The following FHIP1A variants were observed in gnomAD, a reference collection of about 807,000 sequenced individuals.
FHIP1A encodes FHF complex subunit HOOK interacting protein 1A.
In FHIP1A, 61 loss-of-function variants were observed where a neutral mutation model predicts 88.6. The observed-to-expected ratio is 0.69, with a 90% CI of 0.56 to 0.85. FHIP1A has a LOEUF of 0.85. Among genes scored for constraint, FHIP1A ranks in the 40% least tolerant of loss-of-function variants. The probability of loss-of-function intolerance (pLI) is 0.00; values close to 1 mark genes in which losing one functional copy is unlikely to be tolerated. For synonymous variants in FHIP1A, 478 were observed against 496.0 expected (o/e 0.96, Z 0.48); for missense variants, 1,154 against 1,273.5 (o/e 0.91, Z 1.43).
chr4:151,532,857 C>T (rs1731928064), intron 3 of FHIP1A, among the ~76,000 whole-genome samples: 3 of 152,218 alleles, frequency 2.0e-5, no homozygotes, highest in South Asian at 2.1e-4. Context: ...AAGCGGAAAC[C>T]CCTGATAAAC....
chr4:151,504,011 T>A (rs1026753401), intron 3 of FHIP1A, among the ~76,000 whole-genome samples: 12 of 152,246 alleles, frequency 7.9e-5, no homozygotes, highest in African/African-American at 2.7e-4. Flanking sequence ...CTCCAACTTG[T>A]TATATGGTCA....
intron 3 of FHIP1A, among the ~76,000 whole-genome samples, chr4:151,515,887 T>C (rs1410933572): frequency 1.3e-5 from 2 of 152,278 alleles, no homozygotes; most frequent in African/African-American, 4.8e-5. Flanking sequence ...AGGTAATTTA[T>C]AGATTCAGTG....
intron 1 of FHIP1A, among the ~76,000 whole-genome samples, chr4:151,433,884 A>G (rs1355829458): frequency 1.3e-5 from 2 of 152,158 alleles, no homozygotes; most frequent in African/African-American, 2.4e-5. Context: ...TTCAGATTTA[A>G]TTAGGGACAG....
chr4:151,533,464 C>T (rs1396082370), intron 3 of FHIP1A, among the ~76,000 whole-genome samples: 2 of 152,100 alleles, frequency 1.3e-5, no homozygotes, highest in East Asian at 3.9e-4. Context: ...TTTCCTTTGG[C>T]TCATTGTAAC....
intron 3 of FHIP1A, among the ~76,000 whole-genome samples, chr4:151,503,587 G>A (rs775613006): frequency 6.6e-6 from 1 of 151,722 alleles, no homozygotes; most frequent in African/African-American, 2.4e-5. Context: ...GGGAACAGGG[G>A]GAAAGGAGGA....
At chr4:151,530,581 T>G (rs1236684671) in intron 3 of FHIP1A, among the ~76,000 whole-genome samples, 1 of 152,212 alleles carries the variant, frequency 6.6e-6, no homozygotes, top group Non-Finnish European at 1.5e-5. Context: ...TCTCTAGTGG[T>G]TCAACATTCA....
Position 151,629,705 on chromosome 4 carries a change from A to T in FHIP1A, c.982A>T (p.Thr328Ser). 2 of 1,550,842 alleles carry T rather than the reference A, an allele frequency of 1.3e-6. No individual in the cohort carries two copies. The highest frequency in any genetic ancestry group is 1.7e-4 in the Middle Eastern group (1 of 5,986). ...PVLAPALHKV[T>S]VEEVMTTTAY... is the part of the protein sequence containing the mutation. Reference sequence around the variant, plus strand: ...CTCACTCCGTTGTTTGTCCTAGGTGACTGTGGAAGAGGTCATGACCACAAC... The same window carrying T: ...CTCACTCCGTTGTTTGTCCTAGGTGTCTGTGGAAGAGGTCATGACCACAAC... Residue 328 changes from threonine to serine, a missense_variant, in exon 8 of 14, where the codon ACT becomes TCT. Coordinates refer to ENST00000435205, the MANE Select transcript of FHIP1A (RefSeq NM_001109977.3).
At chr4:151,505,078 A>G (rs929432385) in intron 3 of FHIP1A, among the ~76,000 whole-genome samples, 3 of 152,132 alleles carry the variant, frequency 2.0e-5, no homozygotes, top group Non-Finnish European at 2.9e-5. Context: ...TCCATGTGAC[A>G]CAGGAAGTAA....
At chr4:151,611,034 A>G (rs1735304545) in intron 7 of FHIP1A, among the ~76,000 whole-genome samples, 1 of 152,188 alleles carries the variant, frequency 6.6e-6, no homozygotes, top group Admixed American at 6.5e-5. Context: ...GAATAAATGA[A>G]CATGTGAATG....
intron 2 of FHIP1A, among the ~76,000 whole-genome samples, chr4:151,457,664 G>GT (rs887739790): frequency 6.6e-6 from 1 of 152,032 alleles, no homozygotes; most frequent in South Asian, 2.1e-4. Flanking sequence ...TAAAAAAGGT[G>GT]TTTTTTAGTA....
chr4:151,412,640 C>T (rs1732707695), intron 1 of FHIP1A, among the ~76,000 whole-genome samples: 1 of 132,064 alleles, frequency 7.6e-6, no homozygotes, highest in East Asian at 2.3e-4. Context: ...CCCTCCCTCC[C>T]TCCCTGCCTC....
At chr4:151,534,712 C>A (rs964452155) in intron 3 of FHIP1A, 2 of 151,998 alleles carry the variant, frequency 1.3e-5, no homozygotes, top group South Asian at 4.1e-4. Flanking sequence ...CTAGAGAATC[C>A]AAGAACAAGT....
chr4:151,655,956 T>C (rs183850557), intron 11 of FHIP1A, among the ~76,000 whole-genome samples: 50 of 152,312 alleles, frequency 3.3e-4, no homozygotes, highest in African/African-American at 8.4e-4. Flanking sequence ...TGTTTTTTTT[T>C]CCCGAGATCT....
At chr4:151,460,115 G>A (rs926404340) in intron 2 of FHIP1A, among the ~76,000 whole-genome samples, 1 of 152,054 alleles carries the variant, frequency 6.6e-6, no homozygotes, top group African/African-American at 2.4e-5. Context: ...TGATATTTGA[G>A]GATACATTAT....
intron 2 of FHIP1A, among the ~76,000 whole-genome samples, chr4:151,476,514 T>C (rs1729714097): frequency 6.6e-6 from 1 of 152,156 alleles, no homozygotes; most frequent in Non-Finnish European, 1.5e-5. Context: ...AAGTAAAGTA[T>C]GTTCATCTCA....
At chr4:151,586,901 A>G in intron 6 of FHIP1A, 102 bp downstream of exon 6, 1 of 916,450 alleles carries the variant, frequency 1.1e-6, no homozygotes, top group Non-Finnish European at 1.5e-6. Flanking sequence ...AATGTTAATA[A>G]ATGTTTATGG....
At chr4:151,438,051 C>G (rs192601695) in intron 1 of FHIP1A, among the ~76,000 whole-genome samples, 2 of 152,006 alleles carry the variant, frequency 1.3e-5, no homozygotes, top group African/African-American at 2.4e-5. Flanking sequence ...GTCCCCACCC[C>G]CCAGCCCCCC....
rs1044852280 is a variant in FHIP1A, at chr4:151,638,659, G to A, written c.1147-18G>A. On this transcript the variant is annotated intron_variant, in intron 8 of 13. Transcript: ENST00000435205. ...CGTTCCAACATCTGAACTAGAATGT[G>A]TGTCTCTTGCTTCCCAGCTTTGTGT... 11 of 1,493,492 alleles carry A rather than the reference G, an allele frequency of 7.4e-6. No homozygotes were observed. The highest frequency in any genetic ancestry group is 2.5e-5 in the East Asian group (1 of 40,434). The allele number at this position is 1,493,492 out of a possible 1,614,324, so 92.5% of individuals were successfully genotyped here. A position where few individuals can be genotyped will look rare whatever the true frequency, so the allele number is the denominator to read the frequency against.
At chr4:151,452,541 G>C (rs1224059214) in intron 1 of FHIP1A, among the ~76,000 whole-genome samples, 3 of 152,060 alleles carry the variant, frequency 2.0e-5, no homozygotes, top group African/African-American at 7.2e-5. Context: ...GCCTGGCCAA[G>C]ATGGTGAAAC....
Sources: gnomAD v4.1 joint callset for allele counts (sites outside exome capture counted in the v4.1 genomes callset) on GRCh38, gnomAD v4.1.1 for gene constraint, MANE v1.5 for transcripts, NCBI Gene and HGNC (gene_info 2026-07-23, HGNC 2026-07-21) for gene names.